Variants in ARHGAP15 observed in about 807,000 individuals in gnomAD.
The protein encoded by ARHGAP15 is rho GTPase-activating protein 15.
Under a neutral mutation model 63.7 loss-of-function variants are expected in ARHGAP15, and 51 were observed. That is an observed-to-expected ratio of 0.80 (90% CI 0.64 to 1.01). The LOEUF (loss-of-function observed/expected upper bound fraction) is 1.01. Among genes scored for constraint, ARHGAP15 ranks in the 50% least tolerant of loss-of-function variants. ARHGAP15 has a pLI of 0.00. For missense variants in ARHGAP15, 560 were observed against 564.6 expected, an observed-to-expected ratio of 0.99 and a Z score of 0.08; for synonymous variants, 191 against 193.8, an observed-to-expected ratio of 0.99 and a Z score of 0.12.
intron 2 of ARHGAP15, among the ~76,000 whole-genome samples, chr2:143,198,355 G>A (rs1691969397): frequency 6.6e-6 from 1 of 151,880 alleles, no homozygotes; most frequent in Admixed American, 6.6e-5. Context: ...TTTCTATTTT[G>A]AGTCTTCTTA....
chr2:143,390,059 T>C (rs1465139101), intron 6 of ARHGAP15, among the ~76,000 whole-genome samples: 2 of 151,808 alleles, frequency 1.3e-5, no homozygotes, highest in Admixed American at 6.6e-5. Context: ...TTTTAGTTAT[T>C]TAAAAGTAGC....
rs181515052 is a variant in ARHGAP15, at chr2:143,369,462, A to G, written c.475-66139A>G. On this transcript the variant is annotated intron_variant, in intron 6 of 13. Transcript: ENST00000295095. Reference sequence around the variant, plus strand: ...TTTGAGCTTAGAAGTGGATTAGAATACCTTTTAATTACATAGCATATAATT... The same window carrying G: ...TTTGAGCTTAGAAGTGGATTAGAATGCCTTTTAATTACATAGCATATAATT... 3.9e-5 allele frequency among the ~76,000 whole-genome samples: 6 copies of G among 152,250 alleles called. 1 individual carries two copies. Among genetic ancestry groups the G allele is most frequent in the Admixed American group, 3.9e-4 (6 of 15,286 alleles).
At chr2:143,250,054 G>A (rs891868096) in intron 5 of ARHGAP15, among the ~76,000 whole-genome samples, 2 of 151,926 alleles carry the variant, frequency 1.3e-5, no homozygotes, top group Non-Finnish European at 2.9e-5. Context: ...TACTATAGTC[G>A]CAAAACTAAA....
At chr2:143,392,470 G>A (rs890930384) in intron 6 of ARHGAP15, among the ~76,000 whole-genome samples, 2 of 151,992 alleles carry the variant, frequency 1.3e-5, no homozygotes, top group East Asian at 3.9e-4. Flanking sequence ...ACATACAATT[G>A]AGTGTTAAAT....
At chr2:143,624,313 C>A (rs200193121) in intron 12 of ARHGAP15, 46 bp downstream of exon 12, 2 of 1,560,566 alleles carry the variant, frequency 1.3e-6, no homozygotes, top group Non-Finnish European at 1.7e-6. Flanking sequence ...AACCTGACAT[C>A]CTGGAATTAT....
At chr2:143,197,800 C>G (rs1691940758) in intron 2 of ARHGAP15, among the ~76,000 whole-genome samples, 1 of 151,994 alleles carries the variant, frequency 6.6e-6, no homozygotes, top group Non-Finnish European at 1.5e-5. Flanking sequence ...ATTACTTCCC[C>G]TAAAGGAGTA....
intron 7 of ARHGAP15, among the ~76,000 whole-genome samples, chr2:143,435,997 T>G (rs1205036798): frequency 1.7e-5 from 2 of 120,932 alleles, no homozygotes; most frequent in African/African-American, 4.0e-5. Context: ...AACTACTGAT[T>G]TTTTTTTCAT....
At chr2:143,373,641 A>AC (rs1226294730) in intron 6 of ARHGAP15, among the ~76,000 whole-genome samples, 3 of 149,424 alleles carry the variant, frequency 2.0e-5, no homozygotes, top group African/African-American at 7.3e-5. Flanking sequence ...AAAAAAAAAA[A>AC]AAAAAAAAAA....
chr2:143,411,029 A>T (rs1558952727), intron 6 of ARHGAP15, among the ~76,000 whole-genome samples: 1 of 151,882 alleles, frequency 6.6e-6, no homozygotes, highest in Non-Finnish European at 1.5e-5. Context: ...ACATGGAAAA[A>T]CCCTGTCTTT....
At chr2:143,360,418 T>A (rs1470385779) in intron 6 of ARHGAP15, among the ~76,000 whole-genome samples, 2 of 151,784 alleles carry the variant, frequency 1.3e-5, no homozygotes, top group African/African-American at 4.8e-5. Context: ...ATCACATTGC[T>A]CTTAATAAAT....
At chr2:143,762,321 C>A (rs1021963332) in intron 13 of ARHGAP15, among the ~76,000 whole-genome samples, 3 of 152,144 alleles carry the variant, frequency 2.0e-5, no homozygotes, top group Non-Finnish European at 4.4e-5. Context: ...CAGATTAGTT[C>A]TTTTGCCTTT....
At chr2:143,327,306 A>C (rs1375014512) in intron 6 of ARHGAP15, among the ~76,000 whole-genome samples, 3 of 152,248 alleles carry the variant, frequency 2.0e-5, no homozygotes, top group Non-Finnish European at 4.4e-5. Flanking sequence ...AATATCGTGA[A>C]AATTGCTGTA....
chr2:143,175,949 A>C (rs1184198921), intron 2 of ARHGAP15, among the ~76,000 whole-genome samples: 2 of 152,236 alleles, frequency 1.3e-5, no homozygotes, highest in Non-Finnish European at 2.9e-5. Flanking sequence ...TATAATATAC[A>C]TAATACTTGA....
chr2:143,154,060 T>C (rs1689981068), intron 1 of ARHGAP15, among the ~76,000 whole-genome samples: 1 of 151,676 alleles, frequency 6.6e-6, no homozygotes, highest in African/African-American at 2.4e-5. Context: ...GATAGACATA[T>C]GGGTCTTCTT....
intron 5 of ARHGAP15, among the ~76,000 whole-genome samples, chr2:143,230,835 C>T (rs1176219489): frequency 2.6e-5 from 4 of 152,190 alleles, no homozygotes; most frequent in Non-Finnish European, 5.9e-5. Context: ...CTGAATTTCT[C>T]TTGCACCCCC....
At chr2:143,750,256 A>G (rs1448413699) in intron 13 of ARHGAP15, among the ~76,000 whole-genome samples, 1 of 152,196 alleles carries the variant, frequency 6.6e-6, no homozygotes, top group Admixed American at 6.5e-5. Context: ...CCTGGCCAAC[A>G]TGGTGAAACC....
At chr2:143,578,039 C>A (rs1160847942) in intron 11 of ARHGAP15, among the ~76,000 whole-genome samples, 1 of 152,104 alleles carries the variant, frequency 6.6e-6, no homozygotes, top group Non-Finnish European at 1.5e-5. Context: ...ATTAATTTTG[C>A]AGAGTTTTGG....
intron 2 of ARHGAP15, among the ~76,000 whole-genome samples, chr2:143,196,994 A>C (rs1691908388): frequency 6.6e-6 from 1 of 151,976 alleles, no homozygotes; most frequent in Admixed American, 6.6e-5. Context: ...ATTCTAGCAA[A>C]AGCAAAAAGG....
chr2:143,538,529 C>G (rs1694886024), intron 10 of ARHGAP15, among the ~76,000 whole-genome samples: 1 of 152,118 alleles, frequency 6.6e-6, no homozygotes, highest in Admixed American at 6.5e-5. Context: ...TGATAGATAG[C>G]TCTTATTATT....
Sources: gnomAD v4.1 joint callset for allele counts (sites outside exome capture counted in the v4.1 genomes callset) on GRCh38, gnomAD v4.1.1 for gene constraint, MANE v1.5 for transcripts, NCBI Gene and HGNC (gene_info 2026-07-23, HGNC 2026-07-21) for gene names.